The following TBC1D1 variants were observed in gnomAD, a reference collection of about 807,000 sequenced individuals.
TBC1D1 encodes TBC1 (tre-2/USP6, BUB2, cdc16) domain family, member 1.
Under a neutral mutation model 125.6 loss-of-function variants are expected in TBC1D1, and 89 were observed. That is an observed-to-expected ratio of 0.71 (90% CI 0.60 to 0.85). The LOEUF (loss-of-function observed/expected upper bound fraction) is 0.85. Among genes scored for constraint, TBC1D1 ranks in the 40% least tolerant of loss-of-function variants. TBC1D1 has a pLI of 0.00. For missense variants in TBC1D1, 1,377 were observed against 1,469.2 expected, an observed-to-expected ratio of 0.94 and a Z score of 1.03; for synonymous variants, 565 against 564.1, an observed-to-expected ratio of 1.00 and a Z score of -0.02.
At chr4:38,023,229 A>G (rs560719942) in intron 6 of TBC1D1, among the ~76,000 whole-genome samples, 25 of 148,750 alleles carry the variant, frequency 1.7e-4, no homozygotes, top group Non-Finnish European at 3.4e-4. Flanking sequence ...CCTGGGCAAC[A>G]GAGCGAGATG....
intron 11 of TBC1D1, chr4:38,053,137 C>T (rs1250019011): frequency 6.5e-7 from 1 of 1,531,788 alleles, no homozygotes; most frequent in Non-Finnish European, 8.8e-7. Context: ...GCGGAAAAAA[C>T]TTCATTCTTC....
At chr4:38,021,529 C>G in intron 5 of TBC1D1, 57 bp from the exon 6 acceptor site, 1 of 1,422,928 alleles carries the variant, frequency 7.0e-7, no homozygotes, top group South Asian at 1.5e-5. Flanking sequence ...GACATCTCAG[C>G]CCAGCTAATT....
At chr4:38,127,749 A>G (rs999550425) in intron 18 of TBC1D1, among the ~76,000 whole-genome samples, 1 of 152,194 alleles carries the variant, frequency 6.6e-6, no homozygotes, top group African/African-American at 2.4e-5. Context: ...GAAGCTGAGC[A>G]GAGAGTAACA....
intron 2 of TBC1D1, among the ~76,000 whole-genome samples, chr4:37,943,306 T>C (rs1435794279): frequency 1.3e-5 from 2 of 152,212 alleles, no homozygotes; most frequent in African/African-American, 4.8e-5. Context: ...ATCTGACAAT[T>C]ATGTGTCTTG....
intron 11 of TBC1D1, 25 bp from the exon 13 acceptor site, chr4:38,053,081 A>G: frequency 2.2e-6 from 3 of 1,381,378 alleles, no homozygotes; most frequent in Non-Finnish European, 2.8e-6. Context: ...TTTATCCTAA[A>G]CTCTTTTTTC....
At chr4:37,972,124 CT>C (rs2152346551) in intron 2 of TBC1D1, among the ~76,000 whole-genome samples, 1 of 152,290 alleles carries the variant, frequency 6.6e-6, no homozygotes, top group South Asian at 2.1e-4. Flanking sequence ...TGAGCAATGA[CT>C]ATTCTGTCTG....
chr4:38,115,061 AG>A (rs1380930981), intron 15 of TBC1D1, among the ~76,000 whole-genome samples: 1 of 149,580 alleles, frequency 6.7e-6, no homozygotes, highest in Non-Finnish European at 1.5e-5. Flanking sequence ...TCTTGAGAAT[AG>A]GGGTTATGTC....
chr4:37,945,551 A>AAAAAAAAAAAAAC (rs1726529845), intron 2 of TBC1D1, among the ~76,000 whole-genome samples: 1 of 120,044 alleles, frequency 8.3e-6, no homozygotes, highest in African/African-American at 3.3e-5. Flanking sequence ...AAAAAAAAAA[A>AAAAAAAAAAAAAC]GCCTAGAAGC....
intron 2 of TBC1D1, among the ~76,000 whole-genome samples, chr4:37,989,472 C>T (rs939965404): frequency 6.6e-6 from 1 of 152,190 alleles, no homozygotes; most frequent in Non-Finnish European, 1.5e-5. Context: ...TAGCCCCGAC[C>T]ACCTTGAGCA....
intron 17 of TBC1D1, among the ~76,000 whole-genome samples, chr4:38,122,907 A>G (rs1764084751): frequency 6.6e-6 from 1 of 152,108 alleles, no homozygotes; most frequent in Non-Finnish European, 1.5e-5. Flanking sequence ...AACACATAAC[A>G]CCACCCTCTC....
chr4:38,028,300 G>A (rs1266142915), intron 7 of TBC1D1, among the ~76,000 whole-genome samples: 1 of 152,112 alleles, frequency 6.6e-6, no homozygotes, highest in Non-Finnish European at 1.5e-5. Context: ...TGAGTAGCTG[G>A]GATTACAGGA....
intron 2 of TBC1D1, among the ~76,000 whole-genome samples, chr4:37,956,070 G>A (rs12650173): frequency 2.6e-5 from 4 of 151,334 alleles, no homozygotes; most frequent in African/African-American, 7.3e-5. Flanking sequence ...CTGTCACTCA[G>A]GCTGGAGTAC....
chr4:38,017,665 C>T (rs1743050066), intron 3 of TBC1D1, among the ~76,000 whole-genome samples: 1 of 152,170 alleles, frequency 6.6e-6, no homozygotes, highest in Non-Finnish European at 1.5e-5. Flanking sequence ...CAGGATGTGA[C>T]CACTGACTTC....
chr4:37,965,976 A>T (rs1730984752), intron 2 of TBC1D1, among the ~76,000 whole-genome samples: 1 of 152,000 alleles, frequency 6.6e-6, no homozygotes, highest in Non-Finnish European at 1.5e-5. Context: ...TGAACTCCTG[A>T]CCTCGAGTGA....
chr4:38,093,209 G>C (rs988258191), intron 13 of TBC1D1, among the ~76,000 whole-genome samples: 1 of 152,090 alleles, frequency 6.6e-6, no homozygotes, highest in African/African-American at 2.4e-5. Context: ...ATTGATCAGG[G>C]GTTCAAGCTG....
chr4:37,933,505 C>T (rs1213130146), intron 2 of TBC1D1, among the ~76,000 whole-genome samples: 1 of 151,676 alleles, frequency 6.6e-6, no homozygotes, highest in East Asian at 1.9e-4. Flanking sequence ...GCTCTGGAGT[C>T]AGGCGGAGAA....
chr4:38,090,278 G>A (rs1477195075), intron 13 of TBC1D1, among the ~76,000 whole-genome samples, 161 bp downstream of exon 15: 1 of 152,100 alleles, frequency 6.6e-6, no homozygotes, highest in African/African-American at 2.4e-5. Flanking sequence ...TATTAACACT[G>A]TTTACTTTCT....
At chr4:38,021,769 A>T in intron 6 of TBC1D1, 51 bp downstream of exon 6, 1 of 1,444,328 alleles carries the variant, frequency 6.9e-7, no homozygotes, top group Non-Finnish European at 9.1e-7. Context: ...TAAAGGTCCC[A>T]GGAGAACTTT....
chr4:38,052,167 CTGTGTGTGTGTGTG>C (rs58659939), intron 11 of TBC1D1, 107 bp downstream of exon 12: 40 of 735,840 alleles, frequency 5.4e-5, no homozygotes, highest in Middle Eastern at 2.5e-4. Flanking sequence ...AGCAGAGCCA[CTGTGTGTGTGTGTG>C]TGTGTGTGTG....
Sources: allele counts gnomAD v4.1 joint callset (sites outside exome capture counted in the v4.1 genomes callset), GRCh38; gene constraint gnomAD v4.1.1; transcripts MANE v1.5; gene names NCBI Gene and HGNC (gene_info 2026-07-23, HGNC 2026-07-21).